Variants in NAV3 observed in about 807,000 individuals in gnomAD.
NAV3 encodes the protein neuron navigator 3, also known as pore membrane and/or filament interacting like protein 1.
A neutral mutation model predicts 244.7 loss-of-function variants in NAV3; 87 were observed. That is an observed-to-expected ratio of 0.36 (90% CI 0.30 to 0.42). The LOEUF (loss-of-function observed/expected upper bound fraction) is 0.42, where lower values mean the gene tolerates loss of function less well. Among genes scored for constraint, NAV3 ranks in the 20% least tolerant of loss-of-function variants. The pLI, the probability that NAV3 is intolerant of heterozygous loss-of-function variation, is 1.00. For synonymous variants in NAV3, 1,126 were observed against 1,042.2 expected (o/e 1.08, Z -1.55); for missense variants, 2,663 against 2,893.3 (o/e 0.92, Z 1.83).
chr12:77,735,198 G>C (rs1253253030), intron 2 of NAV3, among the ~76,000 whole-genome samples: 1 of 151,932 alleles, frequency 6.6e-6, no homozygotes, highest in Admixed American at 6.6e-5. Context: ...ATCTTGACAG[G>C]ATATTTTAAA....
intron 38 of NAV3, among the ~76,000 whole-genome samples, chr12:78,203,340 A>G (rs990095673): frequency 5.3e-5 from 8 of 152,152 alleles, no homozygotes; most frequent in African/African-American, 1.9e-4. Flanking sequence ...CAAGAATTAT[A>G]CATGTTTTTC....
intron 3 of NAV3, among the ~76,000 whole-genome samples, chr12:77,956,553 C>A (rs1891378817): frequency 6.6e-6 from 1 of 152,118 alleles, no homozygotes; most frequent in Non-Finnish European, 1.5e-5. Context: ...CAATGGGCAA[C>A]ACAGTGTTTT....
intron 30 of NAV3, among the ~76,000 whole-genome samples, chr12:78,182,694 A>G (rs1000269835): frequency 2.0e-5 from 3 of 151,976 alleles, no homozygotes; most frequent in Admixed American, 1.3e-4. Context: ...GCAATTTTTT[A>G]GGAGGAGCCA....
At chr12:78,049,962 G>T (rs1172861363) in intron 9 of NAV3, 31 bp from the exon 10 acceptor site, 1 of 1,508,166 alleles carries the variant, frequency 6.6e-7, no homozygotes, top group Non-Finnish European at 9.1e-7. Context: ...TAAATGTCAT[G>T]AATAGCAAAT....
chr12:78,060,700 A>G (rs1884202668), intron 12 of NAV3, among the ~76,000 whole-genome samples: 1 of 152,190 alleles, frequency 6.6e-6, no homozygotes, highest in Non-Finnish European at 1.5e-5. Flanking sequence ...AGGTACTACA[A>G]GGATGTTATG....
intron 1 of NAV3, among the ~76,000 whole-genome samples, chr12:77,903,031 G>A (rs1885502155): frequency 6.6e-6 from 1 of 152,134 alleles, no homozygotes; most frequent in Non-Finnish European, 1.5e-5. Flanking sequence ...ATGCTCATGG[G>A]TAGGAAGAAT....
chr12:77,659,621 A>T (rs1463271147), intron 2 of NAV3, among the ~76,000 whole-genome samples: 1 of 152,212 alleles, frequency 6.6e-6, no homozygotes, highest in Non-Finnish European at 1.5e-5. Context: ...TATATACCCA[A>T]AGGACTATAA....
chr12:77,931,041 A>G (rs1242847322), intron 1 of NAV3, among the ~76,000 whole-genome samples: 1 of 150,912 alleles, frequency 6.6e-6, no homozygotes, highest in South Asian at 2.1e-4. Context: ...TCTTCTTAAT[A>G]GTGATGAACA....
chr12:78,185,841 A>G, intron 31 of NAV3, 143 bp downstream of exon 31: 2 of 652,700 alleles, frequency 3.1e-6, no homozygotes, highest in South Asian at 4.1e-5. Context: ...TACAAACATG[A>G]AAAGGACAAT....
At chr12:77,882,034 C>T (rs1378274899) in intron 1 of NAV3, among the ~76,000 whole-genome samples, 2 of 152,080 alleles carry the variant, frequency 1.3e-5, no homozygotes, top group Non-Finnish European at 2.9e-5. Flanking sequence ...CTATTCCTAT[C>T]AGACTACGAA....
chr12:77,865,313 A>G (rs1879839999), intron 1 of NAV3, among the ~76,000 whole-genome samples: 1 of 152,048 alleles, frequency 6.6e-6, no homozygotes, highest in Admixed American at 6.6e-5. Context: ...ATTGAATAAG[A>G]AAGAAAAACA....
intron 9 of NAV3, among the ~76,000 whole-genome samples, chr12:78,029,037 A>G (rs1484765455): frequency 3.3e-5 from 5 of 152,156 alleles, no homozygotes; most frequent in African/African-American, 1.2e-4. Flanking sequence ...CTTGGAATGC[A>G]GTGACTAAAG....
At chr12:77,933,146 A>G (rs1888978918) in intron 1 of NAV3, among the ~76,000 whole-genome samples, 1 of 152,126 alleles carries the variant, frequency 6.6e-6, no homozygotes, top group Non-Finnish European at 1.5e-5. Flanking sequence ...AGTGGGAGCT[A>G]TTTTGTGATT....
chr12:78,128,799 G>A lies in NAV3; in HGVS notation c.4374G>A (p.Gln1458=), dbSNP rs2138853408. The change falls in exon 18 of 40, where the codon CAG becomes CAA. Residue 1458 remains glutamine (Q), a synonymous_variant. Coordinates refer to ENST00000397909, the MANE Select transcript of NAV3 (RefSeq NM_001024383.2). ...GAGGGCTTCAGGACACTGGCAACCA[G>A]TCACCTCTGGTTTCCCCTTCTGCCA... ...STGGLQDTGN[Q]SPLVSPSAMS... The A allele has an allele frequency of 6.2e-7, 1 of 1,614,072 alleles. No individual in the cohort carries two copies. Among genetic ancestry groups the A allele is most frequent in the Non-Finnish European group, 8.5e-7 (1 of 1,179,976 alleles).
At chr12:77,825,277 A>C (rs1435681593) in intron 2 of NAV3, among the ~76,000 whole-genome samples, 2 of 147,898 alleles carry the variant, frequency 1.4e-5, no homozygotes, top group Non-Finnish European at 3.0e-5. Context: ...TAAGCAAAGG[A>C]AAGAAGAGCA....
At chr12:77,633,828 T>C (rs1012636940) in intron 2 of NAV3, among the ~76,000 whole-genome samples, 1 of 152,168 alleles carries the variant, frequency 6.6e-6, no homozygotes, top group South Asian at 2.1e-4. Flanking sequence ...GAAAACGTAT[T>C]ATTAGAATGC....
intron 1 of NAV3, among the ~76,000 whole-genome samples, chr12:77,934,418 A>G (rs1485708848): frequency 1.4e-5 from 2 of 145,336 alleles, no homozygotes; most frequent in African/African-American, 5.1e-5. Context: ...AAAAAAAAGT[A>G]TGCTTTCCTA....
chr12:77,641,285 C>T (rs1267730425), intron 2 of NAV3, among the ~76,000 whole-genome samples: 6 of 152,092 alleles, frequency 3.9e-5, no homozygotes, highest in South Asian at 2.1e-4. Flanking sequence ...GAGAAGGAGA[C>T]ATCTCAGTGA....
At chr12:78,078,462 C>G (rs1953174626) in intron 12 of NAV3, among the ~76,000 whole-genome samples, 1 of 132,492 alleles carries the variant, frequency 7.5e-6, no homozygotes, top group Admixed American at 8.6e-5. Flanking sequence ...GTGGCGGGAT[C>G]TCGGCTCACC....
Sources: allele counts gnomAD v4.1 joint callset (sites outside exome capture counted in the v4.1 genomes callset), GRCh38; gene constraint gnomAD v4.1.1; transcripts MANE v1.5; gene names NCBI Gene and HGNC (gene_info 2026-07-23, HGNC 2026-07-21).